The following FCGR1A variants were observed in gnomAD, a reference collection of about 807,000 sequenced individuals.
FCGR1A encodes high affinity immunoglobulin gamma Fc receptor I.
FCGR1A carries 13 observed loss-of-function variants against 35.0 expected under a neutral mutation model. That is an observed-to-expected ratio of 0.37 (90% CI 0.24 to 0.59). The LOEUF is 0.59. Among genes scored for constraint, FCGR1A ranks in the 20% least tolerant of loss-of-function variants. The pLI is 0.71. For synonymous variants in FCGR1A, 91 were observed against 164.7 expected (o/e 0.55, Z 3.43); for missense variants, 227 against 430.0 (o/e 0.53, Z 4.17).
the FCGR1A span, among the ~76,000 whole-genome samples, chr1:149,798,767 A>G: frequency 6.6e-6 from 1 of 152,124 alleles, no homozygotes. Context: ...GCATGTAACC[A>G]TGCCTGGCTA....
chr1:149,793,145 A>G, downstream of FCGR1A: 2 of 1,275,322 alleles, frequency 1.6e-6, no homozygotes, highest in Non-Finnish European at 2.0e-6. Flanking sequence ...GCCTCCGCGG[A>G]GAGGAGGATT....
In FCGR1A at chr1:149,788,581, C is replaced by A. The variant is rs782122885; in HGVS notation, c.523C>A (p.Arg175Ser). The change falls in exon 4 of 6, where the codon CGC becomes AGC. Residue 175 changes from arginine to serine, a missense_variant. By Grantham distance (110) the Arg-to-Ser change is moderately radical. Around this residue, in one of 3 missense-constraint regions of FCGR1A, gnomAD observed 185 missense variants for 306.6 expected, o/e 0.60. Coordinates refer to ENST00000369168, the MANE Select transcript of FCGR1A (RefSeq NM_000566.4). The stretch of plus-strand genomic sequence containing the variant: ...CCATTGCTCAGGCATGGGAAAGCAT[C>A]GCTACACATCAGCAGGAATATCTGT... ...TYHCSGMGKHRYTSAGISVTV... is the reference protein window; with the variant it reads ...TYHCSGMGKHSYTSAGISVTV... 2 of 1,613,842 alleles carry A rather than the reference C, an allele frequency of 1.2e-6. No homozygotes were observed. Among genetic ancestry groups the A allele is most frequent in the African/African-American group, 2.7e-5 (2 of 74,894 alleles).
At chr1:149,788,673 T>C (rs1337607584) in intron 4 of FCGR1A, 56 bp downstream of exon 4, 4 of 1,560,060 alleles carry the variant, frequency 2.6e-6, no homozygotes, top group Non-Finnish European at 3.5e-6. Flanking sequence ...GGGACCATCA[T>C]AAATATTCTA....
chr1:149,795,997 GA>G (rs1419805717), downstream of FCGR1A, among the ~76,000 whole-genome samples: 1 of 151,452 alleles, frequency 6.6e-6, no homozygotes, highest in East Asian at 1.9e-4. Context: ...CTAGTAATGT[GA>G]AAATCTGGTC....
At chr1:149,786,984 C>A (rs2091569310) in intron 3 of FCGR1A, 1 of 152,118 alleles carries the variant, frequency 6.6e-6, no homozygotes, top group Non-Finnish European at 1.5e-5. Context: ...AGTAGAGCAT[C>A]CACAAAATCA....
chr1:149,785,102 G>A (rs1177384997), intron 3 of FCGR1A, among the ~76,000 whole-genome samples: 47 of 152,306 alleles, frequency 3.1e-4, no homozygotes, highest in African/African-American at 1.1e-3. Context: ...TCAAGAGATG[G>A]AGACTGCAAT....
the FCGR1A span, among the ~76,000 whole-genome samples, chr1:149,798,725 C>T: frequency 6.6e-6 from 1 of 152,094 alleles, no homozygotes; most frequent in Non-Finnish European, 1.5e-5. Flanking sequence ...AATCCTCCTG[C>T]TTCAGCCTCC....
At position 149,790,195 on chromosome 1, in the gene FCGR1A, A is replaced by G. The variant is rs201094582; in HGVS notation, c.701A>G (p.Lys234Arg). 7.2e-4 allele frequency: 1,161 copies of G among 1,613,864 alleles called. 1 individual carries two copies. Among genetic ancestry groups the G allele is most frequent in the Admixed American group, 1.3e-3 (76 of 59,986 alleles). ...QLYFSFYMGS[K>R]TLRGRNTSSE... ...TACTTCTCCTTCTACATGGGCAGCA[A>G]GACCCTGCGAGGCAGGAACACATCC... The change falls in exon 5 of 6, where the codon AAG becomes AGG. Residue 234 changes from lysine (K) to arginine (R), a missense_variant. This residue lies in a region of FCGR1A where 185 missense variants were observed against 306.6 expected (regional missense o/e 0.60). Coordinates refer to ENST00000369168, the MANE Select transcript of FCGR1A (RefSeq NM_000566.4).
intron 3 of FCGR1A, 145 bp from the exon 4 acceptor site, chr1:149,788,221 G>C: frequency 6.4e-7 from 1 of 1,560,140 alleles, no homozygotes; most frequent in South Asian, 1.2e-5. Flanking sequence ...AAAGATATTT[G>C]AGGAACTGGA....
the FCGR1A span, among the ~76,000 whole-genome samples, chr1:149,797,630 C>T: frequency 2.6e-5 from 4 of 152,162 alleles, no homozygotes; most frequent in African/African-American, 7.2e-5. Flanking sequence ...TTAATTCTCT[C>T]TCTGTTGCTC....
chr1:149,785,414 T>C (rs1260317128), intron 3 of FCGR1A, among the ~76,000 whole-genome samples: 5 of 131,440 alleles, frequency 3.8e-5, no homozygotes, highest in East Asian at 2.1e-4. Context: ...TTTCGTTTTT[T>C]TTTTTTTTTT....
the FCGR1A span, among the ~76,000 whole-genome samples, chr1:149,797,587 T>C: frequency 6.6e-6 from 1 of 152,196 alleles, no homozygotes; most frequent in African/African-American, 2.4e-5. Flanking sequence ...CAGGTTTTTG[T>C]TGTGTTCCTT....
Position 149,788,419 on chromosome 1 carries a change from G to A in FCGR1A, c.361G>A (p.Ala121Thr), listed in dbSNP as rs587711901. The A allele has an allele frequency of 3.7e-6, 6 of 1,613,664 alleles. 1 individual carries two copies. In the South Asian group the frequency reaches 6.6e-5, roughly 18 times the overall value. Residue 121 changes from alanine (A) to threonine (T), a missense_variant, in exon 4 of 6, where the codon GCC becomes ACC. By Grantham distance (58) the Ala-to-Thr change is moderately conservative. This residue lies in a region of FCGR1A where 185 missense variants were observed against 306.6 expected (regional missense o/e 0.60). Coordinates refer to ENST00000369168, the MANE Select transcript of FCGR1A (RefSeq NM_000566.4). ...AGTCTTCACGGAAGGAGAACCTCTG[G>A]CCTTGAGGTGTCATGCGTGGAAGGA... The part of the protein sequence containing the change: ...SRVFTEGEPL[A>T]LRCHAWKDKL...
downstream of FCGR1A, chr1:149,793,151 G>C: frequency 7.8e-7 from 1 of 1,278,644 alleles, no homozygotes; most frequent in Non-Finnish European, 1.0e-6. Flanking sequence ...GCGGAGAGGA[G>C]GATTGGTAGA....
At position 149,788,736 on chromosome 1, in the gene FCGR1A, T is replaced by C. The variant is rs1395086994; in HGVS notation, c.559+119T>C. 7 of 1,219,504 alleles carry C rather than the reference T, an allele frequency of 5.7e-6. No individual in the cohort carries two copies. The African/African-American group carries it at 1.1e-4, about 18-fold the overall frequency. The allele number at this position is 1,219,504 out of a possible 1,614,324, so 75.5% of individuals were successfully genotyped here. A position where few individuals can be genotyped will look rare whatever the true frequency, so the allele number is the denominator to read the frequency against. On this transcript the variant is annotated intron_variant, in intron 4 of 5. Coordinates refer to ENST00000369168, the MANE Select transcript of FCGR1A (RefSeq NM_000566.4). ...GAAACCGGGCTCCAGAGAGGTAAAC[T>C]GCATTACTAAAGGCCACACCATGAC...
downstream of FCGR1A, among the ~76,000 whole-genome samples, chr1:149,794,270 G>T (rs1438604294): frequency 3.3e-5 from 5 of 151,410 alleles, no homozygotes; most frequent in South Asian, 8.3e-4. Flanking sequence ...GAAAGAGAAG[G>T]GGGGGGAACA....
In FCGR1A at chr1:149,783,210, G is replaced by C; in HGVS notation, c.52+20G>C. The stretch of plus-strand genomic sequence containing the variant: ...AAGTGGGTGAGTGATCTCTAACTCA[G>C]CTTCTCCTTCTATGCCACTTTCCTA... On this transcript the variant is annotated intron_variant, in intron 2 of 5. Transcript: ENST00000369168. The C allele has an allele frequency of 2.6e-6, 1 of 386,048 alleles. No individual in the cohort carries two copies. The highest frequency in any genetic ancestry group is 7.2e-5 in the African/African-American group (1 of 13,870). 23.9% of individuals were successfully genotyped at this position (386,048 alleles called of 1,614,324 possible). A position where few individuals can be genotyped will look rare whatever the true frequency, so the allele number is the denominator to read the frequency against.
the FCGR1A span, among the ~76,000 whole-genome samples, chr1:149,798,610 A>G: frequency 6.6e-6 from 1 of 150,378 alleles, no homozygotes; most frequent in African/African-American, 2.5e-5. Flanking sequence ...GTATTTTTAA[A>G]CCGACTTTAA....
downstream of FCGR1A, chr1:149,792,695 G>A: frequency 1.6e-6 from 2 of 1,282,190 alleles, no homozygotes; most frequent in Non-Finnish European, 1.0e-6. Context: ...CCCAGCTGCG[G>A]CGAAAGCTGT....
Sources: gnomAD v4.1 joint callset for allele counts (sites outside exome capture counted in the v4.1 genomes callset) on GRCh38, gnomAD v4.1.1 for gene constraint, gnomAD v4.1.1 regional missense constraint, MANE v1.5 for transcripts, NCBI Gene and HGNC (gene_info 2026-07-23, HGNC 2026-07-21) for gene names.